GLRA3: variants seen among roughly 807,000 people sequenced by gnomAD.
GLRA3 encodes the protein glycine receptor subunit alpha-3.
In GLRA3, 44 loss-of-function variants were observed where a neutral mutation model predicts 60.4. The observed-to-expected ratio is 0.73, with a 90% confidence interval of 0.57 to 0.94. GLRA3 has a LOEUF of 0.94. GLRA3 is among the 40% of genes least tolerant of loss of function. GLRA3 has a pLI of 0.00. For synonymous variants in GLRA3, 223 were observed against 192.9 expected, an observed-to-expected ratio of 1.16 and a Z score of -1.29; for missense variants, 508 against 564.6, an observed-to-expected ratio of 0.90 and a Z score of 1.02.
chr4:174,823,945 A>G (rs531579840), intron 1 of GLRA3, among the ~76,000 whole-genome samples: 3 of 152,352 alleles, frequency 2.0e-5, no homozygotes, highest in South Asian at 2.1e-4. Flanking sequence ...GAGATCTCTG[A>G]GTACTTTTCC....
intron 5 of GLRA3, among the ~76,000 whole-genome samples, chr4:174,709,851 T>C (rs972530042): frequency 1.3e-5 from 2 of 152,036 alleles, no homozygotes; most frequent in African/African-American, 4.8e-5. Context: ...TTTAGTGCAG[T>C]TATTTTATTT....
At chr4:174,747,707 A>G (rs1462383316) in intron 3 of GLRA3, among the ~76,000 whole-genome samples, 1 of 152,090 alleles carries the variant, frequency 6.6e-6, no homozygotes, top group Admixed American at 6.6e-5. Flanking sequence ...TAGGTCCTCA[A>G]TTTTCTGGCT....
chr4:174,823,215 C>T (rs1413672113), intron 1 of GLRA3, among the ~76,000 whole-genome samples: 5 of 144,134 alleles, frequency 3.5e-5, no homozygotes, highest in African/African-American at 7.7e-5. Context: ...GTACCATCCA[C>T]CTAATAAAAA....
rs866779307 is a variant in GLRA3, at chr4:174,725,110, C to T, written c.491+3365G>A. On this transcript the variant is annotated intron_variant, in intron 4 of 9. Transcript: ENST00000274093. ...GTTTTTTTTAGCTTCATACCCTTTC[C>T]CCCTCTATCTGACACTCTGATGACA... is the stretch of plus-strand genomic sequence containing the variant. Among the ~76,000 whole-genome samples, 3 of 152,156 alleles carry T rather than the reference C, an allele frequency of 2.0e-5. No homozygotes were observed. In the South Asian group the frequency reaches 6.2e-4, roughly 32 times the overall value.
At chr4:174,759,290 T>A (rs1384249295) in intron 3 of GLRA3, among the ~76,000 whole-genome samples, 1 of 151,512 alleles carries the variant, frequency 6.6e-6, no homozygotes, top group African/African-American at 2.4e-5. Flanking sequence ...TAAAAAATAA[T>A]CATGTTCTTA....
At chr4:174,758,676 A>G (rs559161905) in intron 3 of GLRA3, among the ~76,000 whole-genome samples, 2 of 152,302 alleles carry the variant, frequency 1.3e-5, no homozygotes, top group East Asian at 3.9e-4. Flanking sequence ...GTTAACAAAT[A>G]TATCATCCTA....
chr4:174,805,494 T>C (rs1342590477), intron 1 of GLRA3, among the ~76,000 whole-genome samples: 1 of 152,084 alleles, frequency 6.6e-6, no homozygotes, highest in East Asian at 1.9e-4. Flanking sequence ...TTCATTGACT[T>C]CCTGCCCATT....
At chr4:174,727,974 G>A (rs1736388498) in intron 4 of GLRA3, among the ~76,000 whole-genome samples, 1 of 152,052 alleles carries the variant, frequency 6.6e-6, no homozygotes, top group South Asian at 2.1e-4. Flanking sequence ...TTTGCAGCAT[G>A]TTAGAAAGGA....
At chr4:174,717,180 A>G (rs942854719) in intron 4 of GLRA3, among the ~76,000 whole-genome samples, 7 of 139,020 alleles carry the variant, frequency 5.0e-5, no homozygotes, top group African/African-American at 1.8e-4. Context: ...CTGCTGAACT[A>G]TAGCCTGGGT....
At chr4:174,757,472 C>A (rs1477330018) in intron 3 of GLRA3, among the ~76,000 whole-genome samples, 1 of 152,096 alleles carries the variant, frequency 6.6e-6, no homozygotes, top group Admixed American at 6.6e-5. Flanking sequence ...GAGTCTGGAA[C>A]ATCTTATATT....
Position 174,639,366 on chromosome 4 carries a change from ATGTGTATGTGTG to A in GLRA3, c.*4408_*4419del, listed in dbSNP as rs1732572138. The A allele has an allele frequency of 2.2e-5, 2 of 91,594 alleles. No individual in the cohort carries two copies. The highest frequency in any genetic ancestry group is 4.2e-4 in the East Asian group (1 of 2,368). 5.7% of individuals were successfully genotyped at this position (91,594 alleles called of 1,614,324 possible). A position where few individuals can be genotyped will look rare whatever the true frequency, so the allele number is the denominator to read the frequency against. ...TAAAGGAATTCATCTCATTACCAAT[ATGTGTATGTGTG>A]TGTGTGTGTGTGTGTGTGTGTGTGT... On this transcript the variant is annotated 3_prime_UTR_variant, in exon 10 of 10. Transcript: ENST00000274093.
intron 2 of GLRA3, among the ~76,000 whole-genome samples, chr4:174,785,492 A>G (rs2111294229): frequency 1.3e-5 from 2 of 152,250 alleles, no homozygotes; most frequent in East Asian, 3.9e-4. Context: ...TTACTGTTAT[A>G]CACTTTGCTT....
At chr4:174,821,644 G>A (rs1292031370) in intron 1 of GLRA3, among the ~76,000 whole-genome samples, 1 of 152,040 alleles carries the variant, frequency 6.6e-6, no homozygotes, top group African/African-American at 2.4e-5. Context: ...TCTACAAAAG[G>A]TGCTTTAAGA....
intron 7 of GLRA3, among the ~76,000 whole-genome samples, chr4:174,676,239 A>G (rs565815220): frequency 1.6e-4 from 25 of 152,250 alleles, no homozygotes; most frequent in Non-Finnish European, 2.6e-4. Flanking sequence ...TAATTCTGGC[A>G]GCTCAGCATG....
chr4:174,682,309 T>C (rs958314550), intron 6 of GLRA3, among the ~76,000 whole-genome samples: 4 of 152,216 alleles, frequency 2.6e-5, no homozygotes, highest in African/African-American at 9.7e-5. Flanking sequence ...GAACTATATC[T>C]GATATTTATC....
intron 3 of GLRA3, among the ~76,000 whole-genome samples, chr4:174,764,219 T>C (rs1458070208): frequency 3.3e-5 from 5 of 149,678 alleles, no homozygotes; most frequent in Admixed American, 2.0e-4. Context: ...AGTAGACTAA[T>C]AGAGAAATTT....
Position 174,829,008 on chromosome 4 carries a change from T to C in GLRA3, c.-197A>G. The C allele has an allele frequency of 3.7e-6, 2 of 536,272 alleles. No individual in the cohort carries two copies. Among genetic ancestry groups the C allele is most frequent in the Non-Finnish European group, 6.7e-6 (2 of 299,974 alleles). The allele number at this position is 536,272 out of a possible 1,614,324, so 33.2% of individuals were successfully genotyped here. A position where few individuals can be genotyped will look rare whatever the true frequency, so the allele number is the denominator to read the frequency against. On this transcript the variant is annotated 5_prime_UTR_variant, in exon 1 of 10. Coordinates refer to ENST00000274093, the MANE Select transcript of GLRA3 (RefSeq NM_006529.4). The stretch of plus-strand genomic sequence containing the variant: ...ATTGAGCAGAAGTGGAGAGTCACAG[T>C]GTTATAAATGTGCAGGTGATTTTTA...
intron 1 of GLRA3, among the ~76,000 whole-genome samples, chr4:174,815,060 G>T (rs960628443): frequency 1.3e-5 from 2 of 152,166 alleles, no homozygotes; most frequent in Non-Finnish European, 2.9e-5. Flanking sequence ...ATGCAATGGG[G>T]TTATAGGCAC....
At chr4:174,723,620 A>G (rs1419544372) in intron 4 of GLRA3, among the ~76,000 whole-genome samples, 1 of 152,062 alleles carries the variant, frequency 6.6e-6, no homozygotes, top group Non-Finnish European at 1.5e-5. Flanking sequence ...TATTTTTGCA[A>G]CCTATGCAAC....
Sources: allele counts gnomAD v4.1 joint callset (sites outside exome capture counted in the v4.1 genomes callset), GRCh38; gene constraint gnomAD v4.1.1; transcripts MANE v1.5; gene names NCBI Gene and HGNC (gene_info 2026-07-23, HGNC 2026-07-21).